FBN2: variants seen among roughly 807,000 people sequenced by gnomAD.
FBN2 encodes the protein fibrillin 2.
Under a neutral mutation model 355.6 loss-of-function variants are expected in FBN2, and 105 were observed. The observed-to-expected ratio is 0.30, with a 90% CI of 0.25 to 0.35. The LOEUF (loss-of-function observed/expected upper bound fraction) is 0.35, where lower values mean the gene tolerates loss of function less well. Ranked by LOEUF, FBN2 falls within the 10% of genes least tolerant of loss-of-function variation. The pLI is 1.00. For synonymous variants in FBN2, 1,350 were observed against 1,301.2 expected (o/e 1.04, Z -0.81); for missense variants, 3,280 against 3,758.7 (o/e 0.87, Z 3.33).
At chr5:128,452,515 A>C (rs1052437007) in intron 6 of FBN2, among the ~76,000 whole-genome samples, 3 of 152,152 alleles carry the variant, frequency 2.0e-5, no homozygotes, top group Non-Finnish European at 4.4e-5. Context: ...TACATAAATT[A>C]TTATTAGATG....
Position 128,311,879 on chromosome 5 carries a change from G to A in FBN2, c.4948+6C>T. ...TTGAATCTGGGTGACAATGGGATTA[G>A]CTCACCTTCTAAAATGATTGTGATG... On this transcript the variant is annotated splice_donor_region_variant and intron_variant, in intron 38 of 64. Coordinates refer to ENST00000262464, the MANE Select transcript of FBN2 (RefSeq NM_001999.4). 1 of 1,597,410 alleles carries A rather than the reference G, an allele frequency of 6.3e-7. No individual in the cohort carries two copies. Among genetic ancestry groups the A allele is most frequent in the Non-Finnish European group, 8.6e-7 (1 of 1,164,972 alleles).
At chr5:128,483,512 T>C (rs1755252866) in intron 5 of FBN2, among the ~76,000 whole-genome samples, 2 of 152,120 alleles carry the variant, frequency 1.3e-5, no homozygotes, top group African/African-American at 4.8e-5. Flanking sequence ...GAGTTTTTTT[T>C]TTTTAAATCT....
At chr5:128,373,876 C>A (rs1752011967) in intron 15 of FBN2, among the ~76,000 whole-genome samples, 1 of 152,118 alleles carries the variant, frequency 6.6e-6, no homozygotes. Context: ...TATATTCTTG[C>A]TCATACTTCT....
chr5:128,427,152 G>C (rs752397263), intron 7 of FBN2, among the ~76,000 whole-genome samples: 5 of 152,100 alleles, frequency 3.3e-5, no homozygotes, highest in Non-Finnish European at 7.3e-5. Context: ...ATGGAGGTGG[G>C]ATCCCTCGTA....
chr5:128,483,199 T>C (rs1755243360), intron 5 of FBN2, among the ~76,000 whole-genome samples: 1 of 152,074 alleles, frequency 6.6e-6, no homozygotes, highest in African/African-American at 2.4e-5. Context: ...AAACTAACTA[T>C]TGGGTACCAC....
intron 7 of FBN2, among the ~76,000 whole-genome samples, chr5:128,444,105 G>A (rs1242035986): frequency 2.7e-4 from 31 of 116,592 alleles, no homozygotes; most frequent in Non-Finnish European, 2.6e-4. Context: ...TCGCTCTGTC[G>A]CCCAGGCCGG....
chr5:128,383,344 A>C (rs1752284449), intron 11 of FBN2, among the ~76,000 whole-genome samples: 1 of 152,164 alleles, frequency 6.6e-6, no homozygotes, highest in Non-Finnish European at 1.5e-5. Flanking sequence ...AATGGATCAT[A>C]GGCCTAAAGC....
At chr5:128,406,693 G>A (rs1752936493) in intron 8 of FBN2, among the ~76,000 whole-genome samples, 1 of 152,144 alleles carries the variant, frequency 6.6e-6, no homozygotes, top group African/African-American at 2.4e-5. Flanking sequence ...TCATACCCTG[G>A]ACGGGCTGGT....
chr5:128,366,420 G>A lies in FBN2; in HGVS notation c.2259C>T (p.His753=), dbSNP rs1751768248. Residue 753 remains histidine (H), a synonymous_variant, in exon 17 of 65, where the codon CAC becomes CAT. Coordinates refer to ENST00000262464, the MANE Select transcript of FBN2 (RefSeq NM_001999.4). ...TACCTACTCCACTACTACAAAGGCC[G>A]TGGAATTCAGCTGTATGACAAAAAG... is the stretch of plus-strand genomic sequence containing the variant. ...PCPAKNSAEF[H]GLCSSGVGIT... is the part of the protein sequence containing the mutation. 21 of 1,601,954 alleles carry A rather than the reference G, an allele frequency of 1.3e-5. No individual in the cohort carries two copies. Among genetic ancestry groups the A allele is most frequent in the South Asian group, 4.4e-5 (4 of 90,404 alleles).
At position 128,350,021 on chromosome 5, in the gene FBN2, G is replaced by A. The variant is rs770803053; in HGVS notation, c.2813-16C>T. ...CAAGCTGTATCTGTAACAACAACAG[G>A]ACAAATTTTACTTCATTATAGAATA... On this transcript the variant is annotated splice_polypyrimidine_tract_variant and intron_variant, in intron 21 of 64. Transcript: ENST00000262464. 17 of 1,608,742 alleles carry A rather than the reference G, an allele frequency of 1.1e-5. No individual in the cohort carries two copies. Among genetic ancestry groups the A allele is most frequent in the Non-Finnish European group, 1.4e-5 (17 of 1,175,130 alleles).
At chr5:128,264,051 C>T (rs1261776651) in intron 62 of FBN2, among the ~76,000 whole-genome samples, 1 of 152,048 alleles carries the variant, frequency 6.6e-6, no homozygotes, top group Non-Finnish European at 1.5e-5. Flanking sequence ...TGGGAAATGA[C>T]CGCTCTTGGG....
intron 6 of FBN2, among the ~76,000 whole-genome samples, chr5:128,449,682 A>G (rs1000834660): frequency 9.2e-5 from 14 of 151,718 alleles, no homozygotes; most frequent in African/African-American, 3.4e-4. Context: ...TAGTAAAATG[A>G]CAGATTTAAA....
At chr5:128,402,821 G>C (rs1214992731) in intron 8 of FBN2, among the ~76,000 whole-genome samples, 1 of 152,172 alleles carries the variant, frequency 6.6e-6, no homozygotes, top group Non-Finnish European at 1.5e-5. Flanking sequence ...CCCCTTGATT[G>C]ATTTTGCGGA....
At chr5:128,502,385 TCTC>T (rs1755842725) in intron 5 of FBN2, among the ~76,000 whole-genome samples, 1 of 152,074 alleles carries the variant, frequency 6.6e-6, no homozygotes, top group Non-Finnish European at 1.5e-5. Flanking sequence ...GAGTCAGACT[TCTC>T]CACAACACAT....
intron 59 of FBN2, among the ~76,000 whole-genome samples, chr5:128,275,252 A>G (rs1418025283): frequency 1.3e-5 from 2 of 152,170 alleles, no homozygotes; most frequent in African/African-American, 4.8e-5. Flanking sequence ...TTAATTTGGA[A>G]ACTATATTTA....
Position 128,311,386 on chromosome 5 carries a change from C to A in FBN2, c.4988G>T (p.Gly1663Val). Reference sequence around the variant, plus strand: ...CCCAAAAGTGTTGATGCAGTTTCCACCCTGGCAGAGACCTGGTAACTCCTG... The same window carrying A: ...CCCAAAAGTGTTGATGCAGTTTCCAACCTGGCAGAGACCTGGTAACTCCTG... ...ECQELPGLCQ[G>V]GNCINTFGSF... The change falls in exon 39 of 65, where the codon GGT becomes GTT. Residue 1663 changes from glycine (G) to valine (V), a missense_variant. By Grantham distance (109) the Gly-to-Val change is moderately radical. Transcript: ENST00000262464. The A allele has an allele frequency of 1.9e-6, 3 of 1,614,110 alleles. No individual in the cohort carries two copies. Among genetic ancestry groups the A allele is most frequent in the Non-Finnish European group, 2.5e-6 (3 of 1,179,980 alleles).
At chr5:128,398,754 T>C (rs567557509) in intron 8 of FBN2, among the ~76,000 whole-genome samples, 1 of 152,300 alleles carries the variant, frequency 6.6e-6, no homozygotes, top group South Asian at 2.1e-4. Flanking sequence ...AATTCCCACA[T>C]GTTGTGGGAG....
In FBN2 at chr5:128,273,862, A is replaced by G; in HGVS notation, c.7818T>C (p.Asp2606=). 1 of 1,613,976 alleles carries G rather than the reference A, an allele frequency of 6.2e-7. No individual in the cohort carries two copies. The highest frequency in any genetic ancestry group is 8.5e-7 in the Non-Finnish European group (1 of 1,179,894). ...AACCTTCACAGTTCAGTCCGGTGGC[A>G]TCAAGAGAGAACCCTCTTTGGCATT... The part of the protein sequence containing the change: ...SCECQRGFSL[D]ATGLNCEDVD... Residue 2606 remains aspartate, a synonymous_variant, in exon 61 of 65, where the codon GAT becomes GAC. Coordinates refer to ENST00000262464, the MANE Select transcript of FBN2 (RefSeq NM_001999.4).
intron 59 of FBN2, among the ~76,000 whole-genome samples, chr5:128,275,432 G>T (rs550882987): frequency 7.6e-6 from 1 of 130,834 alleles, no homozygotes; most frequent in South Asian, 2.5e-4. Flanking sequence ...TCCAAGCGGT[G>T]CTTGCTATTA....
Sources: allele counts gnomAD v4.1 joint callset (sites outside exome capture counted in the v4.1 genomes callset), GRCh38; gene constraint gnomAD v4.1.1; transcripts MANE v1.5; gene names NCBI Gene and HGNC (gene_info 2026-07-23, HGNC 2026-07-21).